The following OTUB1 variants were observed in gnomAD, a reference collection of about 807,000 sequenced individuals.
OTUB1 encodes the protein ubiquitin thioesterase OTUB1.
A neutral mutation model predicts 35.8 loss-of-function variants in OTUB1; 10 were observed. That is an observed-to-expected ratio of 0.28 (90% CI 0.17 to 0.47). OTUB1 has a LOEUF of 0.47. OTUB1 is among the 20% of genes least tolerant of loss of function. The pLI is 0.99. For synonymous variants in OTUB1, 158 were observed against 143.8 expected (o/e 1.10, Z -0.71); for missense variants, 264 against 351.6 (o/e 0.75, Z 1.99).
chr11:63,990,609 TAAATA>T (rs1414648228), intron 3 of OTUB1: 1 of 143,416 alleles, frequency 7.0e-6, no homozygotes, highest in East Asian at 1.9e-4. Context: ...AATAAATAAA[TAAATA>T]AATAAATAAA....
chr11:63,997,165 C>T lies in OTUB1; in HGVS notation c.539C>T (p.Ser180Leu), dbSNP rs926342684. Reference sequence around the variant, plus strand: ...GTGGTCTACCTGCGGCTGCTCACCTCGGGCTACCTGCAGCGCGAGAGCAAG... The same window carrying T: ...GTGGTCTACCTGCGGCTGCTCACCTTGGGCTACCTGCAGCGCGAGAGCAAG... Reference protein sequence around the residue: ...YLVVYLRLLTSGYLQRESKFF... With the variant: ...YLVVYLRLLTLGYLQRESKFF... Residue 180 changes from serine (S) to leucine (L), a missense_variant, in exon 6 of 7, where the codon TCG becomes TTG. Coordinates refer to ENST00000538426, the MANE Select transcript of OTUB1 (RefSeq NM_017670.3). 2 of 1,614,230 alleles carry T rather than the reference C, an allele frequency of 1.2e-6. No individual in the cohort carries two copies. The highest frequency in any genetic ancestry group is 1.7e-6 in the Non-Finnish European group (2 of 1,180,030).
chr11:63,994,137 A>G (rs951909620), intron 3 of OTUB1, among the ~76,000 whole-genome samples: 7 of 152,104 alleles, frequency 4.6e-5, no homozygotes, highest in African/African-American at 1.7e-4. Context: ...GAAAAGAAAA[A>G]AAAAAGAAAA....
chr11:63,994,779 C>T (rs1047825339), intron 3 of OTUB1, among the ~76,000 whole-genome samples: 24 of 152,324 alleles, frequency 1.6e-4, no homozygotes, highest in African/African-American at 5.1e-4. Flanking sequence ...GCTGGGTTTG[C>T]CCCCTCTGAT....
intron 3 of OTUB1, among the ~76,000 whole-genome samples, chr11:63,991,910 G>A (rs533928389): frequency 1.3e-5 from 2 of 152,156 alleles, no homozygotes; most frequent in African/African-American, 4.8e-5. Flanking sequence ...GGTGAGTGCT[G>A]TGGAGAAAAA....
chr11:63,997,619 T>C lies in OTUB1; in HGVS notation c.*73T>C. ...CTAGACATGTACAGAGGTTTTTCTGTGGTTGTAAATGGTCCTATTTCACCC... is the reference window on the plus strand; with the variant it reads ...CTAGACATGTACAGAGGTTTTTCTGCGGTTGTAAATGGTCCTATTTCACCC... On this transcript the variant is annotated 3_prime_UTR_variant, in exon 7 of 7. Transcript: ENST00000538426. 1 of 1,268,106 alleles carries C rather than the reference T, an allele frequency of 7.9e-7. No homozygotes were observed. The highest frequency in any genetic ancestry group is 1.7e-5 in the Admixed American group (1 of 59,006). 78.6% of individuals were successfully genotyped at this position (1,268,106 alleles called of 1,614,324 possible).
chr11:63,988,568 C>T, intron 2 of OTUB1, 86 bp from the exon 3 acceptor site: 6 of 1,279,804 alleles, frequency 4.7e-6, no homozygotes, highest in East Asian at 2.3e-5. Flanking sequence ...GGGTGACCAG[C>T]CCAGCTCTTT....
At position 63,998,287 on chromosome 11, in the gene OTUB1, C is replaced by T. The variant is rs895134440; in HGVS notation, c.*741C>T. ...ACCCCCTCTGCTTGGGCCACGGTGT[C>T]TCTGCATTGCCTGCCTTTTTGCCTT... On this transcript the variant is annotated 3_prime_UTR_variant, in exon 7 of 7. Coordinates refer to ENST00000538426, the MANE Select transcript of OTUB1 (RefSeq NM_017670.3). 2 of 177,854 alleles carry T rather than the reference C, an allele frequency of 1.1e-5. No homozygotes were observed. Among genetic ancestry groups the T allele is most frequent in the Admixed American group, 5.4e-5 (1 of 18,438 alleles). The allele number at this position is 177,854 out of a possible 1,614,324, so 11.0% of individuals were successfully genotyped here.
In OTUB1 at chr11:63,998,386, C is replaced by T. The variant is rs1252862573; in HGVS notation, c.*840C>T. 1 of 171,420 alleles carries T rather than the reference C, an allele frequency of 5.8e-6. No homozygotes were observed. The highest frequency in any genetic ancestry group is 1.2e-5 in the Non-Finnish European group (1 of 81,348). 10.6% of individuals were successfully genotyped at this position (171,420 alleles called of 1,614,324 possible). A position where few individuals can be genotyped will look rare whatever the true frequency, so the allele number is the denominator to read the frequency against. ...GGCTGTGAGCTCCTTGGGGGCAGGC[C>T]CTCAATAAATGTGAACTGCTGCTGC... On this transcript the variant is annotated 3_prime_UTR_variant, in exon 7 of 7. Transcript: ENST00000538426.
At position 63,997,733 on chromosome 11, in the gene OTUB1, C is replaced by T. The variant is rs993136780; in HGVS notation, c.*187C>T. On this transcript the variant is annotated 3_prime_UTR_variant, in exon 7 of 7. Coordinates refer to ENST00000538426, the MANE Select transcript of OTUB1 (RefSeq NM_017670.3). The stretch of plus-strand genomic sequence containing the variant: ...GTGTGCGTGTCCCTGCTCTGCTGCC[C>T]GCCTGGCTGCTCTGTCTGCTGCCCC... The T allele has an allele frequency of 3.8e-5, 27 of 706,302 alleles. No homozygotes were observed. Among genetic ancestry groups the T allele is most frequent in the South Asian group, 1.3e-4 (9 of 67,706 alleles). 43.8% of individuals were successfully genotyped at this position (706,302 alleles called of 1,614,324 possible).
intron 1 of OTUB1, 180 bp downstream of exon 1, chr11:63,986,694 C>T: frequency 5.3e-6 from 3 of 570,752 alleles, no homozygotes; most frequent in East Asian, 3.1e-5. Flanking sequence ...CCGCCGCGAC[C>T]CCCGGCCGGG....
At chr11:63,996,824 C>T in intron 4 of OTUB1, 33 bp from the exon 5 acceptor site, 1 of 1,613,976 alleles carries the variant, frequency 6.2e-7, no homozygotes. Flanking sequence ...TCGAGGAGCC[C>T]ATGCTGGGCC....
Position 63,997,812 on chromosome 11 carries a change from A to T in OTUB1, c.*266A>T, listed in dbSNP as rs1426225028. 4.3e-6 allele frequency: 3 copies of T among 698,044 alleles called. No homozygotes were observed. In the Admixed American group the frequency reaches 6.0e-5, roughly 14 times the overall value. 43.2% of individuals were successfully genotyped at this position (698,044 alleles called of 1,614,324 possible). A position where few individuals can be genotyped will look rare whatever the true frequency, so the allele number is the denominator to read the frequency against. On this transcript the variant is annotated 3_prime_UTR_variant, in exon 7 of 7. Coordinates refer to ENST00000538426, the MANE Select transcript of OTUB1 (RefSeq NM_017670.3). ...CACCTATCTACTCCTGAGCTTCCCCAACAGGAGCAGGTTTGAGGGGCCAGG... is the reference window on the plus strand; with the variant it reads ...CACCTATCTACTCCTGAGCTTCCCCTACAGGAGCAGGTTTGAGGGGCCAGG...
At chr11:63,990,011 T>G in intron 3 of OTUB1, 1 of 103,508 alleles carries the variant, frequency 9.7e-6, no homozygotes. Flanking sequence ...TGAGACTCCG[T>G]CTCAAAAAAA....
intron 1 of OTUB1, among the ~76,000 whole-genome samples, chr11:63,987,590 G>A (rs1942632744): frequency 6.6e-6 from 1 of 152,246 alleles, no homozygotes; most frequent in Non-Finnish European, 1.5e-5. Flanking sequence ...GTGCTGAAGA[G>A]CTCAGCCTGG....
chr11:63,997,556 C>CA lies in OTUB1; in HGVS notation c.*11dup. On this transcript the variant is annotated 3_prime_UTR_variant, in exon 7 of 7. Transcript: ENST00000538426. ...TATCCTCTACAAATAGGGCTGGCTC[C>CA]AGCCCGCTGCTGCCCTGCTGCCCCC... 1 of 1,611,168 alleles carries CA rather than the reference C, an allele frequency of 6.2e-7. No individual in the cohort carries two copies.
intron 3 of OTUB1, among the ~76,000 whole-genome samples, chr11:63,994,887 A>G (rs988189681): frequency 2.8e-4 from 43 of 152,354 alleles, no homozygotes; most frequent in Non-Finnish European, 4.6e-4. Flanking sequence ...TTTGCTGTAA[A>G]GAAAGCAGAG....
chr11:63,997,298 G>A, intron 6 of OTUB1, 51 bp from the exon 7 acceptor site: 2 of 1,611,698 alleles, frequency 1.2e-6, no homozygotes, highest in South Asian at 1.1e-5. Flanking sequence ...GGGCCCACAG[G>A]GCCTGGGGCG....
intron 4 of OTUB1, 34 bp downstream of exon 4, chr11:63,996,682 T>TA (rs1942720393): frequency 6.2e-7 from 1 of 1,613,868 alleles, no homozygotes; most frequent in Admixed American, 1.7e-5. Flanking sequence ...CCGAGGCAGG[T>TA]GGGTGTCTAC....
At position 63,997,873 on chromosome 11, in the gene OTUB1, C is replaced by T; in HGVS notation, c.*327C>T. On this transcript the variant is annotated 3_prime_UTR_variant, in exon 7 of 7. Transcript: ENST00000538426. The stretch of plus-strand genomic sequence containing the variant: ...GCCCCTCCTGCTTCGTTGGGTTCTG[C>T]TTCCTTCCCTTCTTAGCTGGCTCAG... 3.1e-6 allele frequency: 2 copies of T among 646,728 alleles called. No individual in the cohort carries two copies. The highest frequency in any genetic ancestry group is 5.6e-6 in the Non-Finnish European group (2 of 359,664). 40.1% of individuals were successfully genotyped at this position (646,728 alleles called of 1,614,324 possible). A position where few individuals can be genotyped will look rare whatever the true frequency, so the allele number is the denominator to read the frequency against.
Sources: gnomAD v4.1 joint callset for allele counts (sites outside exome capture counted in the v4.1 genomes callset) on GRCh38, gnomAD v4.1.1 for gene constraint, MANE v1.5 for transcripts, NCBI Gene and HGNC (gene_info 2026-07-23, HGNC 2026-07-21) for gene names.